MECOM: variants seen among roughly 807,000 people sequenced by gnomAD.
MECOM encodes histone-lysine N-methyltransferase MECOM.
A neutral mutation model predicts 116.3 loss-of-function variants in MECOM; 13 were observed. The ratio of observed to expected loss-of-function variants is 0.11; its 90% CI spans 0.07 to 0.18. MECOM has a LOEUF of 0.18. MECOM is among the 10% of genes least tolerant of loss of function. The pLI is 1.00. For missense variants in MECOM, 1,299 were observed against 1,509.0 expected, an observed-to-expected ratio of 0.86 and a Z score of 2.31; for synonymous variants, 528 against 535.2, an observed-to-expected ratio of 0.99 and a Z score of 0.19.
intron 1 of MECOM, among the ~76,000 whole-genome samples, chr3:169,593,972 T>G (rs1766749228): frequency 2.6e-5 from 4 of 151,532 alleles, no homozygotes. Context: ...CACAAAAAAA[T>G]TAGCCGGGTG....
chr3:169,127,367 T>G (rs954327595), intron 5 of MECOM, among the ~76,000 whole-genome samples: 14 of 152,118 alleles, frequency 9.2e-5, no homozygotes, highest in African/African-American at 3.1e-4. Context: ...CTCTTATTCT[T>G]TTATATATAT....
intron 2 of MECOM, among the ~76,000 whole-genome samples, chr3:169,241,607 C>T (rs1211119329): frequency 1.3e-5 from 2 of 152,106 alleles, no homozygotes; most frequent in Non-Finnish European, 1.5e-5. Flanking sequence ...GTTTACCTTA[C>T]TCTATCAAGA....
intron 2 of MECOM, among the ~76,000 whole-genome samples, chr3:169,368,357 C>A (rs1005039674): frequency 6.6e-6 from 1 of 151,966 alleles, no homozygotes. Context: ...TAAAGAGAAG[C>A]ATTTTATCAA....
chr3:169,636,213 C>T (rs1345650535), intron 1 of MECOM, among the ~76,000 whole-genome samples: 1 of 152,108 alleles, frequency 6.6e-6, no homozygotes, highest in Non-Finnish European at 1.5e-5. Context: ...AGATGTCTAA[C>T]TCACCCTGCC....
At chr3:169,520,713 T>G (rs570485004) in intron 1 of MECOM, among the ~76,000 whole-genome samples, 2 of 152,322 alleles carry the variant, frequency 1.3e-5, no homozygotes, top group South Asian at 4.1e-4. Flanking sequence ...CACAGGTCAC[T>G]ATTTAATGAA....
At chr3:169,504,665 G>A (rs1754981958) in intron 1 of MECOM, among the ~76,000 whole-genome samples, 2 of 152,170 alleles carry the variant, frequency 1.3e-5, no homozygotes, top group South Asian at 4.2e-4. Context: ...CTGCCTAAAT[G>A]AGACTTGTGG....
rs71300479 is a variant in MECOM, at chr3:169,276,997, T to TACACACACAC, written c.375+104180_375+104189dup. ...ACATACAACATGAGCTAATTTATGT[T>TACACACACAC]ACACACACACACACACACACACACA... is the stretch of plus-strand genomic sequence containing the variant. On this transcript the variant is annotated intron_variant, in intron 2 of 16. Coordinates refer to ENST00000651503, the MANE Select transcript of MECOM (RefSeq NM_004991.4). 3.9e-4 allele frequency among the ~76,000 whole-genome samples: 56 copies of TACACACACAC among 144,514 alleles called. No homozygotes were observed. In the East Asian group the frequency reaches 4.1e-3, roughly 10 times the overall value. The allele number at this position is 144,514 out of a possible 152,430, so 94.8% of individuals were successfully genotyped here. A position where few individuals can be genotyped will look rare whatever the true frequency, so the allele number is the denominator to read the frequency against.
intron 1 of MECOM, among the ~76,000 whole-genome samples, chr3:169,418,382 C>T (rs905173713): frequency 6.6e-6 from 1 of 152,116 alleles, no homozygotes; most frequent in African/African-American, 2.4e-5. Context: ...AGAGGGACTC[C>T]TCCCTAACTC....
At chr3:169,203,758 C>T (rs77267418) in intron 2 of MECOM, among the ~76,000 whole-genome samples, 5,411 of 148,166 alleles carry the variant, frequency 0.037, 116 homozygotes, top group Non-Finnish European at 0.058. Flanking sequence ...GGAAATGGAA[C>T]GGCTTCAGTT....
Position 169,400,403 on chromosome 3 carries a change from T to C in MECOM, c.38-18879A>G, listed in dbSNP as rs574936611. On this transcript the variant is annotated intron_variant, in intron 1 of 16. Coordinates refer to ENST00000651503, the MANE Select transcript of MECOM (RefSeq NM_004991.4). ...TGAATGTTTCTAAGCAGCTAACTCA[T>C]GTATACTAAACAAATTTGGCTTGGC... Among the ~76,000 whole-genome samples, 4 of 152,318 alleles carry C rather than the reference T, an allele frequency of 2.6e-5. No individual in the cohort carries two copies. In the South Asian group the frequency reaches 8.3e-4, roughly 32 times the overall value.
At chr3:169,512,501 T>C (rs1374306679) in intron 1 of MECOM, among the ~76,000 whole-genome samples, 1 of 152,198 alleles carries the variant, frequency 6.6e-6, no homozygotes, top group Admixed American at 6.5e-5. Flanking sequence ...CCTCCCATCT[T>C]GGATAGAAGA....
chr3:169,152,966 A>G (rs1424177943), intron 2 of MECOM, among the ~76,000 whole-genome samples: 1 of 152,134 alleles, frequency 6.6e-6, no homozygotes, highest in Non-Finnish European at 1.5e-5. Flanking sequence ...TGCTGAAACA[A>G]CCGCTCTGGT....
At chr3:169,353,254 G>T (rs1464544507) in intron 2 of MECOM, among the ~76,000 whole-genome samples, 1 of 151,806 alleles carries the variant, frequency 6.6e-6, no homozygotes, top group Admixed American at 6.6e-5. Flanking sequence ...GAATTAAGAA[G>T]AAAGCACTTT....
At chr3:169,211,389 G>T (rs1367782942) in intron 2 of MECOM, among the ~76,000 whole-genome samples, 1 of 152,034 alleles carries the variant, frequency 6.6e-6, no homozygotes, top group Non-Finnish European at 1.5e-5. Context: ...CAATTATTTG[G>T]ATGGTGTATC....
intron 2 of MECOM, among the ~76,000 whole-genome samples, chr3:169,189,530 G>A (rs1275269867): frequency 6.6e-6 from 1 of 151,874 alleles, no homozygotes; most frequent in Non-Finnish European, 1.5e-5. Flanking sequence ...CAAATATTAT[G>A]GCAGCAAAAA....
rs1029173861 is a variant in MECOM, at chr3:169,530,933, T to C, written c.37+132403A>G. Among the ~76,000 whole-genome samples the C allele has an allele frequency of 1.4e-4, 22 of 151,924 alleles. 1 individual carries two copies. ...AAATGATTTCAAATAGAGGGAGTCA[T>C]GTTTTGCCTGCACGACAAAGATGTA... is the stretch of plus-strand genomic sequence containing the variant. On this transcript the variant is annotated intron_variant, in intron 1 of 16. Transcript: ENST00000651503.
intron 1 of MECOM, among the ~76,000 whole-genome samples, chr3:169,415,888 A>T (rs1738504424): frequency 6.6e-6 from 1 of 152,304 alleles, no homozygotes; most frequent in South Asian, 2.1e-4. Context: ...GTTCTTAGGG[A>T]CCTACAAAGA....
At chr3:169,218,576 T>C (rs1197190451) in intron 2 of MECOM, among the ~76,000 whole-genome samples, 1 of 152,000 alleles carries the variant, frequency 6.6e-6, no homozygotes, top group East Asian at 1.9e-4. Flanking sequence ...GGAGGCAGAG[T>C]GTCTCTCAGA....
At chr3:169,140,926 T>A (rs1488539920) in intron 3 of MECOM, among the ~76,000 whole-genome samples, 8 of 152,104 alleles carry the variant, frequency 5.3e-5, no homozygotes, top group Non-Finnish European at 7.4e-5. Context: ...ATACAGGTTA[T>A]CCAGCATACA....
Sources: allele counts gnomAD v4.1 joint callset (sites outside exome capture counted in the v4.1 genomes callset), GRCh38; gene constraint gnomAD v4.1.1; transcripts MANE v1.5; gene names NCBI Gene and HGNC (gene_info 2026-07-23, HGNC 2026-07-21).